The following VCPKMT variants were observed in gnomAD, a reference collection of about 807,000 sequenced individuals.
The protein encoded by VCPKMT is protein N-lysine methyltransferase METTL21D.
VCPKMT carries 32 observed loss-of-function variants against 28.6 expected under a neutral mutation model. The observed-to-expected ratio is 1.12, with a 90% CI of 0.84 to 1.50. VCPKMT has a LOEUF of 1.50. Ranked by LOEUF, VCPKMT falls within the 40% of genes most tolerant of loss-of-function variation. VCPKMT has a pLI of 0.00. For synonymous variants in VCPKMT, 138 were observed against 111.4 expected (o/e 1.24, Z -1.50); for missense variants, 366 against 285.0 (o/e 1.28, Z -2.05).
chr14:50,112,177 A>G, intron 5 of VCPKMT: 1 of 548,222 alleles, frequency 1.8e-6, no homozygotes, highest in Non-Finnish European at 2.3e-6. Context: ...TAAATAGCTA[A>G]TAACTTGTCT....
intron 5 of VCPKMT, chr14:50,111,731 C>A: frequency 1.5e-6 from 1 of 689,634 alleles, no homozygotes. Context: ...AAAAAAAATA[C>A]AAAAATTAGC....
intron 4 of VCPKMT, chr14:50,113,492 A>G (rs1195537851): frequency 1.3e-5 from 2 of 152,092 alleles, no homozygotes; most frequent in Admixed American, 6.6e-5. Context: ...ATTTGTGCCC[A>G]TATAAGGGTT....
chr14:50,108,505 T>C, downstream of VCPKMT: 1 of 731,432 alleles, frequency 1.4e-6, no homozygotes, highest in South Asian at 6.2e-5. Flanking sequence ...AAGACTGAAA[T>C]AAACCTGAAA....
In VCPKMT at chr14:50,108,932, G is replaced by A; in HGVS notation, c.*767C>T. ...TTTTCCTGGAACATATACATAAAGTGCATGAGCCACGTAAGTGCATAAGCC... is the reference window on the plus strand; with the variant it reads ...TTTTCCTGGAACATATACATAAAGTACATGAGCCACGTAAGTGCATAAGCC... On this transcript the variant is annotated 3_prime_UTR_variant, in exon 6 of 6. Transcript: ENST00000395860. 2.0e-6 allele frequency: 2 copies of A among 985,408 alleles called. No homozygotes were observed. The allele number at this position is 985,408 out of a possible 1,614,324, so 61.0% of individuals were successfully genotyped here.
chr14:50,104,902 C>T (rs1032779464), downstream of VCPKMT, among the ~76,000 whole-genome samples: 12 of 152,014 alleles, frequency 7.9e-5, no homozygotes, highest in African/African-American at 2.2e-4. Flanking sequence ...ATTGTAGTAA[C>T]GTAGCTTTTT....
At chr14:50,110,281 T>C (rs887100725) in intron 5 of VCPKMT, among the ~76,000 whole-genome samples, 2 of 151,810 alleles carry the variant, frequency 1.3e-5, no homozygotes, top group African/African-American at 4.8e-5. Context: ...ATTAAGAAAA[T>C]ACAAGACACA....
In VCPKMT at chr14:50,109,558, AT is replaced by A; in HGVS notation, c.*140del. ...GTATTGCAGACAGCCCCTGGTGGTC[AT>A]CATCTATACATCGGATCTCTAAGGA... On this transcript the variant is annotated 3_prime_UTR_variant, in exon 6 of 6. Transcript: ENST00000395860. 2 of 1,371,048 alleles carry A rather than the reference AT, an allele frequency of 1.5e-6. No homozygotes were observed. Among genetic ancestry groups the A allele is most frequent in the Non-Finnish European group, 1.9e-6 (2 of 1,064,358 alleles). The allele number at this position is 1,371,048 out of a possible 1,614,324, so 84.9% of individuals were successfully genotyped here.
chr14:50,111,896 A>G (rs1389101928), intron 5 of VCPKMT: 1 of 983,564 alleles, frequency 1.0e-6, no homozygotes. Context: ...TTCAAAAAAA[A>G]AAAAGGATGA....
chr14:50,105,772 A>G (rs1251024832), downstream of VCPKMT, among the ~76,000 whole-genome samples: 1 of 152,248 alleles, frequency 6.6e-6, no homozygotes, highest in Non-Finnish European at 1.5e-5. Context: ...TAACTGGTGT[A>G]CAGAAGAGAC....
rs1474884 is a variant in VCPKMT, at chr14:50,116,203, T to C, written c.267-24A>G. On this transcript the variant is annotated intron_variant, in intron 1 of 5. Transcript: ENST00000395860. ...CCCTATAAAATAACGTCGACTGAGGTGTAGGCACAGGGGGGAAAGCCTGTA... is the reference window on the plus strand; with the variant it reads ...CCCTATAAAATAACGTCGACTGAGGCGTAGGCACAGGGGGGAAAGCCTGTA... The C allele has an allele frequency of 9.2e-5, 149 of 1,613,700 alleles. 1 individual carries two copies. The Middle Eastern group carries it at 7.1e-3, about 77-fold the overall frequency.
chr14:50,114,793 T>C (rs1330657096), intron 3 of VCPKMT, among the ~76,000 whole-genome samples: 1 of 152,186 alleles, frequency 6.6e-6, no homozygotes, highest in Non-Finnish European at 1.5e-5. Context: ...GAGGTTACAG[T>C]GAGCTATGAT....
chr14:50,108,883 C>T lies in VCPKMT; in HGVS notation c.*816G>A. The T allele has an allele frequency of 1.0e-6, 1 of 985,414 alleles. No individual in the cohort carries two copies. The highest frequency in any genetic ancestry group is 1.2e-6 in the Non-Finnish European group (1 of 829,924). The allele number at this position is 985,414 out of a possible 1,614,324, so 61.0% of individuals were successfully genotyped here. A position where few individuals can be genotyped will look rare whatever the true frequency, so the allele number is the denominator to read the frequency against. On this transcript the variant is annotated 3_prime_UTR_variant, in exon 6 of 6. Coordinates refer to ENST00000395860, the MANE Select transcript of VCPKMT (RefSeq NM_024558.3). ...AAAACCTTTCACTGCTTCATGTAAA[C>T]AATACCAGTATTTTTAAGCCAGATT...
Position 50,116,294 on chromosome 14 carries a change from T to A in VCPKMT, c.259A>T (p.Thr87Ser), listed in dbSNP as rs775001245. Residue 87 changes from threonine (T) to serine (S), a missense_variant, in exon 1 of 6, where the codon ACC (threonine) becomes TCC (serine). Physicochemically the swap from Thr to Ser is moderately conservative, Grantham distance 58 (BLOSUM62 1). Transcript: ENST00000395860. ...CCGCCCGCCAGCTCTTACCCGAGGGTAGCAGCCATGAGCCCCACGGCCCCG... is the reference window on the plus strand; with the variant it reads ...CCGCCCGCCAGCTCTTACCCGAGGGAAGCAGCCATGAGCCCCACGGCCCCG... ...GTGAVGLMAA[T>S]LGADVVVTDL... The A allele has an allele frequency of 1.7e-5, 27 of 1,603,944 alleles. No homozygotes were observed. Among genetic ancestry groups the A allele is most frequent in the Non-Finnish European group, 1.8e-5 (21 of 1,175,670 alleles).
At chr14:50,111,928 T>A (rs575767402) in intron 5 of VCPKMT, 1 of 985,246 alleles carries the variant, frequency 1.0e-6, no homozygotes, top group East Asian at 1.1e-4. Context: ...TCCCTCTTTC[T>A]ACAGGCTCAA....
At chr14:50,111,110 T>C (rs941973772) in intron 5 of VCPKMT, 2 of 874,634 alleles carry the variant, frequency 2.3e-6, no homozygotes, top group Non-Finnish European at 2.7e-6. Context: ...CACCAAATTG[T>C]ACACCTTAAA....
At chr14:50,113,125 T>C (rs1301382864) in intron 4 of VCPKMT, among the ~76,000 whole-genome samples, 1 of 152,118 alleles carries the variant, frequency 6.6e-6, no homozygotes, top group East Asian at 1.9e-4. Context: ...AAGGGCAGTG[T>C]GCAAACCTTC....
At chr14:50,106,889 T>A (rs1451355482), downstream of VCPKMT, among the ~76,000 whole-genome samples, 2 of 152,154 alleles carry the variant, frequency 1.3e-5, no homozygotes, top group Non-Finnish European at 2.9e-5. Context: ...CAAGTAATTT[T>A]TTGTATGTTT....
downstream of VCPKMT, among the ~76,000 whole-genome samples, chr14:50,108,191 C>CAAAAAAAA (rs11455635): frequency 2.8e-5 from 3 of 107,092 alleles, no homozygotes; most frequent in African/African-American, 3.7e-5. Flanking sequence ...AACCCTGTCT[C>CAAAAAAAA]AAAAAAAAAA....
At chr14:50,115,145 GTT>G (rs745531021) in intron 3 of VCPKMT, among the ~76,000 whole-genome samples, 1,290 of 90,338 alleles carry the variant, frequency 0.014, 7 homozygotes, top group African/African-American at 0.058. Context: ...ACAAACTGAT[GTT>G]TTTTTTTTTT....
Sources: gnomAD v4.1 joint callset for allele counts (sites outside exome capture counted in the v4.1 genomes callset) on GRCh38, gnomAD v4.1.1 for gene constraint, MANE v1.5 for transcripts, NCBI Gene and HGNC (gene_info 2026-07-23, HGNC 2026-07-21) for gene names.